Variants in CPEB4 observed in about 807,000 individuals in gnomAD.
CPEB4 encodes cytoplasmic polyadenylation element binding protein 4.
Under a neutral mutation model 72.5 loss-of-function variants are expected in CPEB4, and 12 were observed. The observed-to-expected ratio is 0.17, with a 90% CI of 0.11 to 0.27. CPEB4 has a LOEUF of 0.27. Among genes scored for constraint, CPEB4 ranks in the 10% least tolerant of loss-of-function variants. CPEB4 has a pLI of 1.00. For synonymous variants in CPEB4, 302 were observed against 326.3 expected (o/e 0.93, Z 0.80); for missense variants, 614 against 908.5 (o/e 0.68, Z 4.17).
At chr5:173,917,867 A>G (rs2113198217) in intron 2 of CPEB4, among the ~76,000 whole-genome samples, 1 of 152,364 alleles carries the variant, frequency 6.6e-6, no homozygotes, top group East Asian at 1.9e-4. Flanking sequence ...TTTAAATATC[A>G]TTAAGTCTTT....
intron 1 of CPEB4, among the ~76,000 whole-genome samples, chr5:173,907,191 C>T (rs1036319546): frequency 6.6e-6 from 1 of 152,116 alleles, no homozygotes; most frequent in Admixed American, 6.5e-5. Context: ...CGCTTGAACC[C>T]GGGAGGCGGA....
intron 2 of CPEB4, among the ~76,000 whole-genome samples, chr5:173,928,438 A>G (rs1010070856): frequency 2.0e-5 from 3 of 152,222 alleles, no homozygotes; most frequent in African/African-American, 7.2e-5. Context: ...CTTCCTCTCC[A>G]TTCTGCTGTG....
In CPEB4 at chr5:173,961,187, G is replaced by C. The variant is rs1187403062; in HGVS notation, c.*5050G>C. On this transcript the variant is annotated 3_prime_UTR_variant, in exon 10 of 10. Transcript: ENST00000265085. ...GACAGCTTCCCCTTTCTCTCATCTGGCAATTCCCAAACCTTACGTTGAGCA... is the reference window on the plus strand; with the variant it reads ...GACAGCTTCCCCTTTCTCTCATCTGCCAATTCCCAAACCTTACGTTGAGCA... The C allele has an allele frequency of 1.3e-5, 2 of 152,128 alleles. No homozygotes were observed. Among genetic ancestry groups the C allele is most frequent in the Admixed American group, 1.3e-4 (2 of 15,274 alleles). 9.4% of individuals were successfully genotyped at this position (152,128 alleles called of 1,614,324 possible). A position where few individuals can be genotyped will look rare whatever the true frequency, so the allele number is the denominator to read the frequency against.
intron 2 of CPEB4, among the ~76,000 whole-genome samples, chr5:173,919,469 T>TA (rs1454924226): frequency 6.6e-6 from 1 of 152,232 alleles, no homozygotes; most frequent in Non-Finnish European, 1.5e-5. Flanking sequence ...TCTAAATTAA[T>TA]AGAGTGTATT....
At chr5:173,905,016 T>TAATAAA (rs940615606) in intron 1 of CPEB4, among the ~76,000 whole-genome samples, 12 of 79,506 alleles carry the variant, frequency 1.5e-4, no homozygotes, top group African/African-American at 4.5e-4. Context: ...ATAATAATAA[T>TAATAAA]AAAAAAATGT....
In CPEB4 at chr5:173,908,498, C is replaced by G. The variant is rs1438587307; in HGVS notation, c.1126-2025C>G. Among the ~76,000 whole-genome samples the G allele has an allele frequency of 2.6e-5, 4 of 152,180 alleles. No individual in the cohort carries two copies. The East Asian group carries it at 7.7e-4, about 29-fold the overall frequency. ...TAATATTAGATTCTACCTAAATATA[C>G]TGTCCCTGGACTCCTCAAGTTGCAG... is the stretch of plus-strand genomic sequence containing the variant. On this transcript the variant is annotated intron_variant, in intron 1 of 9. Coordinates refer to ENST00000265085, the MANE Select transcript of CPEB4 (RefSeq NM_030627.4).
At chr5:173,939,090 C>A (rs1757733272) in intron 3 of CPEB4, among the ~76,000 whole-genome samples, 1 of 152,082 alleles carries the variant, frequency 6.6e-6, no homozygotes, top group Middle Eastern at 3.2e-3. Flanking sequence ...GAGTTGAGAC[C>A]AGCCTGGGCA....
At chr5:173,952,905 C>G (rs936636810) in intron 8 of CPEB4, among the ~76,000 whole-genome samples, 186 bp from the exon 9 acceptor site, 1 of 152,208 alleles carries the variant, frequency 6.6e-6, no homozygotes, top group African/African-American at 2.4e-5. Flanking sequence ...ACCTAGCAAC[C>G]CCTTGCCCAC....
rs183766809 is a variant in CPEB4 at position 173,943,073 on chromosome 5, A to C, written c.1282+24A>C. ...AGGTAACATTGTTTTTAACTTTTAAATGTATCACTTGTATTTGGAGACGAC... is the reference window on the plus strand; with the variant it reads ...AGGTAACATTGTTTTTAACTTTTAACTGTATCACTTGTATTTGGAGACGAC... On this transcript the variant is annotated intron_variant, in intron 4 of 9. Coordinates refer to ENST00000265085, the MANE Select transcript of CPEB4 (RefSeq NM_030627.4). 164 of 1,609,894 alleles carry C rather than the reference A, an allele frequency of 1.0e-4. 2 individuals carry two copies. In the Admixed American group the frequency reaches 2.7e-3, roughly 27 times the overall value.
chr5:173,955,823 A>T lies in CPEB4; in HGVS notation c.1963-87A>T. On this transcript the variant is annotated intron_variant, in intron 9 of 9. Coordinates refer to ENST00000265085, the MANE Select transcript of CPEB4 (RefSeq NM_030627.4). The surrounding 1 kb of genome is among the most constrained non-coding windows in gnomAD (Gnocchi z 4.7). Reference sequence around the variant, plus strand: ...TCTTTGGGCACCTTGGAACAGATTCATTCAGATAGTGGGTGGAAATGTACA... The same window carrying T: ...TCTTTGGGCACCTTGGAACAGATTCTTTCAGATAGTGGGTGGAAATGTACA... The T allele has an allele frequency of 9.3e-7, 1 of 1,070,474 alleles. No individual in the cohort carries two copies. The highest frequency in any genetic ancestry group is 1.4e-6 in the Non-Finnish European group (1 of 721,924). The allele number at this position is 1,070,474 out of a possible 1,614,324, so 66.3% of individuals were successfully genotyped here. A position where few individuals can be genotyped will look rare whatever the true frequency, so the allele number is the denominator to read the frequency against.
rs140424179 is a variant in CPEB4, at chr5:173,918,963, G to A, written c.1207+8359G>A. ...CTGAGTGAGAGGTGAGGGTAACGGTGGGCGAGTAGATGGGGGAAGTATTAT... is the reference window on the plus strand; with the variant it reads ...CTGAGTGAGAGGTGAGGGTAACGGTAGGCGAGTAGATGGGGGAAGTATTAT... On this transcript the variant is annotated intron_variant, in intron 2 of 9. Transcript: ENST00000265085. 6.9e-3 allele frequency among the ~76,000 whole-genome samples: 1,049 copies of A among 152,192 alleles called. 5 individuals carry two copies. The highest frequency in any genetic ancestry group is 0.019 in the African/African-American group (779 of 41,520).
intron 2 of CPEB4, among the ~76,000 whole-genome samples, chr5:173,927,588 C>T (rs530424589): frequency 2.5e-4 from 38 of 152,230 alleles, no homozygotes; most frequent in African/African-American, 7.7e-4. Flanking sequence ...CCAGCCTAGC[C>T]GGGTATGGTG....
intron 2 of CPEB4, among the ~76,000 whole-genome samples, chr5:173,931,553 G>T (rs1289298958): frequency 6.6e-6 from 1 of 152,166 alleles, no homozygotes; most frequent in Non-Finnish European, 1.5e-5. Flanking sequence ...TTCTTCTCAA[G>T]GTGGGTGCAG....
chr5:173,954,492 C>A (rs548231861), intron 9 of CPEB4, among the ~76,000 whole-genome samples: 1 of 152,086 alleles, frequency 6.6e-6, no homozygotes, highest in African/African-American at 2.4e-5. Flanking sequence ...CCTGCCTTAG[C>A]CTCCCGAGTA....
intron 3 of CPEB4, among the ~76,000 whole-genome samples, chr5:173,939,267 C>T (rs1757739385): frequency 1.3e-5 from 2 of 152,136 alleles, no homozygotes; most frequent in African/African-American, 2.4e-5. Context: ...TCTTAGAGAG[C>T]TTTAGGTACA....
In CPEB4 at chr5:173,910,480, A is replaced by T. The variant is rs201275485; in HGVS notation, c.1126-43A>T. Reference sequence around the variant, plus strand: ...AACTTACTGTCCTCTTTTATATTTAAATGCTATTTTAAAAAGTGGTTTGTG... The same window carrying T: ...AACTTACTGTCCTCTTTTATATTTATATGCTATTTTAAAAAGTGGTTTGTG... On this transcript the variant is annotated intron_variant, in intron 1 of 9. Coordinates refer to ENST00000265085, the MANE Select transcript of CPEB4 (RefSeq NM_030627.4). 40 of 1,347,600 alleles carry T rather than the reference A, an allele frequency of 3.0e-5. No homozygotes were observed. In the East Asian group the frequency reaches 8.3e-4, roughly 28 times the overall value. 83.5% of individuals were successfully genotyped at this position (1,347,600 alleles called of 1,614,324 possible). A position where few individuals can be genotyped will look rare whatever the true frequency, so the allele number is the denominator to read the frequency against.
intron 2 of CPEB4, among the ~76,000 whole-genome samples, chr5:173,923,931 C>T (rs973423792): frequency 2.0e-5 from 3 of 152,098 alleles, no homozygotes; most frequent in African/African-American, 7.2e-5. Context: ...GCTTTACTGG[C>T]AGTAGGAAAT....
chr5:173,952,066 G>T, intron 8 of CPEB4, 128 bp downstream of exon 8: 1 of 664,098 alleles, frequency 1.5e-6, no homozygotes, highest in Non-Finnish European at 2.7e-6. Flanking sequence ...AAATATCTGG[G>T]TTTGAATTCA....
At position 173,960,394 on chromosome 5, in the gene CPEB4, A is replaced by C. The variant is rs1479782037; in HGVS notation, c.*4257A>C. ...AATGTAACATTTTAAAATATTAGGAATATACTGTTCAGCTAATGCAGCACA... is the reference window on the plus strand; with the variant it reads ...AATGTAACATTTTAAAATATTAGGACTATACTGTTCAGCTAATGCAGCACA... On this transcript the variant is annotated 3_prime_UTR_variant, in exon 10 of 10. Transcript: ENST00000265085. 1 of 152,694 alleles carries C rather than the reference A, an allele frequency of 6.5e-6. No homozygotes were observed. Among genetic ancestry groups the C allele is most frequent in the African/African-American group, 2.4e-5 (1 of 41,458 alleles). 9.5% of individuals were successfully genotyped at this position (152,694 alleles called of 1,614,324 possible). A position where few individuals can be genotyped will look rare whatever the true frequency, so the allele number is the denominator to read the frequency against.
Sources: gnomAD v4.1 joint callset for allele counts (sites outside exome capture counted in the v4.1 genomes callset) on GRCh38, gnomAD v4.1.1 for gene constraint, Gnocchi (gnomAD v3.1) non-coding constraint, MANE v1.5 for transcripts, NCBI Gene and HGNC (gene_info 2026-07-23, HGNC 2026-07-21) for gene names.